CACNA1H: variants seen among roughly 807,000 people sequenced by gnomAD.
CACNA1H encodes calcium voltage-gated channel subunit alpha1 H.
A neutral mutation model predicts 192.5 loss-of-function variants in CACNA1H; 149 were observed. That is an observed-to-expected ratio of 0.77 (90% CI 0.68 to 0.89). The LOEUF (loss-of-function observed/expected upper bound fraction) is 0.89. Among genes scored for constraint, CACNA1H ranks in the 40% least tolerant of loss-of-function variants. CACNA1H has a pLI of 0.00. For missense variants in CACNA1H, 4,257 were observed against 3,423.5 expected (o/e 1.24, Z -6.08); for synonymous variants, 2,202 against 1,475.2 (o/e 1.49, Z -11.29).
At chr16:1,183,706 G>C (rs913835510) in intron 2 of CACNA1H, among the ~76,000 whole-genome samples, 5 of 152,264 alleles carry the variant, frequency 3.3e-5, no homozygotes, top group Non-Finnish European at 7.3e-5. Context: ...TGTACTTTCT[G>C]TCATCTACCC....
Position 1,202,077 on chromosome 16 carries a change from C to G in CACNA1H, c.1627C>G (p.Pro543Ala). 6.5e-7 allele frequency: 1 copy of G among 1,541,420 alleles called. No homozygotes were observed. Among genetic ancestry groups the G allele is most frequent in the South Asian group, 1.2e-5 (1 of 83,920 alleles). The change falls in exon 9 of 35, where the codon CCA (proline) becomes GCA (alanine). Residue 543 changes from proline (P) to alanine (A), a missense_variant. Transcript: ENST00000348261. ...CAGCCCCCGCAGGCCCGGCCCCGAG[C>G]CAGGCGCCTGCGACACCAGGCTGGT... The part of the protein sequence containing the change: ...HGSPRRPGPE[P>A]GACDTRLVRA...
At chr16:1,212,183 T>C (rs1969529446) in intron 25 of CACNA1H, 45 bp downstream of exon 25, 2 of 1,562,620 alleles carry the variant, frequency 1.3e-6, no homozygotes, top group Non-Finnish European at 1.7e-6. Context: ...TCGGTACCTG[T>C]GTGCCCACCG....
chr16:1,196,017 G>T lies in CACNA1H; in HGVS notation c.637G>T (p.Val213Leu), dbSNP rs772154386. 2 of 1,612,354 alleles carry T rather than the reference G, an allele frequency of 1.2e-6. No individual in the cohort carries two copies. The highest frequency in any genetic ancestry group is 1.7e-5 in the Admixed American group (1 of 59,996). ...GCGGCCCCTCCGCGCCATCAACCGC[G>T]TGCCTAGTAAGTGACCGGCCCCGAC... ...VLRPLRAINR[V>L]PSMRILVTLL... The change falls in exon 5 of 35, where the codon GTG becomes TTG. Residue 213 changes from valine (V) to leucine (L), a missense_variant. Physicochemically the swap from Val to Leu is conservative, Grantham distance 32. Transcript: ENST00000348261.
chr16:1,201,973 G>A lies in CACNA1H; in HGVS notation c.1523G>A (p.Gly508Asp). The A allele has an allele frequency of 5.8e-6, 9 of 1,543,642 alleles. No homozygotes were observed. Among genetic ancestry groups the A allele is most frequent in the Non-Finnish European group, 7.0e-6 (8 of 1,144,172 alleles). The part of the protein sequence containing the change: ...QGPGHRQRRA[G>D]RHTASVHHLV... The stretch of plus-strand genomic sequence containing the variant: ...CCCGGGCACCGCCAGCGCCGGGCAG[G>A]CAGGCACACAGCCTCGGTGCACCAC... The change falls in exon 9 of 35, where the codon GGC becomes GAC. Residue 508 changes from glycine to aspartate, a missense_variant. Gly to Asp is a moderately conservative substitution (Grantham distance 94). Coordinates refer to ENST00000348261, the MANE Select transcript of CACNA1H (RefSeq NM_021098.3).
intron 2 of CACNA1H, among the ~76,000 whole-genome samples, chr16:1,166,994 A>C (rs1963854269): frequency 6.6e-6 from 1 of 152,192 alleles, no homozygotes; most frequent in Non-Finnish European, 1.5e-5. Context: ...AGGAATGGCC[A>C]GGCTGTTTTC....
At chr16:1,204,692 G>A (rs1160966664) in intron 10 of CACNA1H, among the ~76,000 whole-genome samples, 1 of 152,088 alleles carries the variant, frequency 6.6e-6, no homozygotes, top group Non-Finnish European at 1.5e-5. Flanking sequence ...GGCTCCTTTT[G>A]AGATGCTGCT....
chr16:1,184,668 C>T (rs991809063), intron 2 of CACNA1H, among the ~76,000 whole-genome samples: 3 of 152,226 alleles, frequency 2.0e-5, no homozygotes, highest in African/African-American at 4.8e-5. Context: ...CATGTGAGGG[C>T]CTTCTGCTCA....
chr16:1,220,429 G>C lies in CACNA1H; in HGVS notation c.6497G>C (p.Gly2166Ala), dbSNP rs765984013. Residue 2166 changes from glycine (G) to alanine (A), a missense_variant, in exon 35 of 35, where the codon GGG becomes GCG. By Grantham distance (60) the Gly-to-Ala change is moderately conservative. Transcript: ENST00000348261. ...PSAELGSGEP[G>A]EAKAWGPEAE... ...GCGGAGCTGGGCAGCGGGGAGCCTG[G>C]GGAGGCGAAGGCCTGGGGCCCTGAG... 1 of 1,535,158 alleles carries C rather than the reference G, an allele frequency of 6.5e-7. No homozygotes were observed.
intron 2 of CACNA1H, among the ~76,000 whole-genome samples, chr16:1,185,939 C>T (rs3121379): frequency 1.4e-3 from 13 of 9,080 alleles, no homozygotes; most frequent in African/African-American, 4.2e-3. Flanking sequence ...GGGGTGTGTA[C>T]GGGGCGGGTG....
chr16:1,193,265 G>A (rs909372520), intron 2 of CACNA1H, among the ~76,000 whole-genome samples: 1 of 152,248 alleles, frequency 6.6e-6, no homozygotes, highest in Non-Finnish European at 1.5e-5. Flanking sequence ...TGCTATTTGC[G>A]GCAGTTAGGG....
chr16:1,166,362 C>T (rs371590110), intron 2 of CACNA1H, among the ~76,000 whole-genome samples: 6 of 152,216 alleles, frequency 3.9e-5, no homozygotes, highest in South Asian at 2.1e-4. Flanking sequence ...CCCTGAATCC[C>T]GGCCCCTGCC....
Position 1,201,646 on chromosome 16 carries a change from G to A in CACNA1H, c.1213-17G>A, listed in dbSNP as rs778049996. The A allele has an allele frequency of 9.0e-6, 14 of 1,559,392 alleles. No homozygotes were observed. The highest frequency in any genetic ancestry group is 8.7e-6 in the Non-Finnish European group (10 of 1,151,266). ...CTCGCTCACTCACTGCCACTTACCCGCCCGCCCCCGTCACAGGTGGGCTCC... is the reference window on the plus strand; with the variant it reads ...CTCGCTCACTCACTGCCACTTACCCACCCGCCCCCGTCACAGGTGGGCTCC... On this transcript the variant is annotated splice_polypyrimidine_tract_variant and intron_variant, in intron 8 of 34. Transcript: ENST00000348261.
At chr16:1,163,008 G>A (rs1321073097) in intron 2 of CACNA1H, among the ~76,000 whole-genome samples, 4 of 152,260 alleles carry the variant, frequency 2.6e-5, no homozygotes, top group South Asian at 2.1e-4. Flanking sequence ...GGGCACAGTG[G>A]CCGGTGCTCT....
In CACNA1H at chr16:1,204,463, G is replaced by A. The variant is rs557080821; in HGVS notation, c.2451+5G>A. 7.2e-6 allele frequency: 11 copies of A among 1,521,212 alleles called. No individual in the cohort carries two copies. Among genetic ancestry groups the A allele is most frequent in the East Asian group, 4.5e-5 (2 of 43,980 alleles). 94.2% of individuals were successfully genotyped at this position (1,521,212 alleles called of 1,614,324 possible). ...GGCGTGGAGTACCATGAGCAGGTGC[G>A]GGCTGGCCTGGCCACGGGGTGGGCT... On this transcript the variant is annotated splice_donor_5th_base_variant and intron_variant, in intron 10 of 34. Coordinates refer to ENST00000348261, the MANE Select transcript of CACNA1H (RefSeq NM_021098.3).
chr16:1,173,518 A>C (rs1203029859), intron 2 of CACNA1H, among the ~76,000 whole-genome samples: 1 of 152,250 alleles, frequency 6.6e-6, no homozygotes, highest in Non-Finnish European at 1.5e-5. Context: ...TTGTTTACTA[A>C]CTTAACCACA....
At chr16:1,215,670 T>C in intron 30 of CACNA1H, 77 bp downstream of exon 30, 1 of 1,138,302 alleles carries the variant, frequency 8.8e-7, no homozygotes, top group Non-Finnish European at 1.3e-6. Context: ...CGTCCCCCTC[T>C]CCCCCTCACT....
intron 2 of CACNA1H, among the ~76,000 whole-genome samples, chr16:1,155,549 C>T (rs955135267): frequency 5.9e-5 from 9 of 152,096 alleles, no homozygotes; most frequent in East Asian, 1.9e-4. Context: ...CCAAGGCCTG[C>T]GTTCCTTGTT....
At chr16:1,214,002 A>G in intron 27 of CACNA1H, 71 bp downstream of exon 27, 1 of 1,332,144 alleles carries the variant, frequency 7.5e-7, no homozygotes, top group Non-Finnish European at 1.1e-6. Context: ...CACAGTGGGC[A>G]CAACCCTGGA....
intron 1 of CACNA1H, 58 bp downstream of exon 1, chr16:1,153,528 G>A (rs1961847867): frequency 3.3e-6 from 1 of 302,366 alleles, no homozygotes; most frequent in Non-Finnish European, 6.0e-6. Flanking sequence ...GAAGCGGGCC[G>A]GGGAGCCCCT....
Sources: allele counts gnomAD v4.1 joint callset (sites outside exome capture counted in the v4.1 genomes callset), GRCh38; gene constraint gnomAD v4.1.1; transcripts MANE v1.5; gene names NCBI Gene and HGNC (gene_info 2026-07-23, HGNC 2026-07-21).